Variants in CDH13 observed in about 807,000 individuals in gnomAD.
CDH13 encodes cadherin 13.
Under a neutral mutation model 63.8 loss-of-function variants are expected in CDH13, and 24 were observed. That is an observed-to-expected ratio of 0.38 (90% confidence interval 0.27 to 0.53). The LOEUF (loss-of-function observed/expected upper bound fraction) is 0.53. Ranked by LOEUF, CDH13 falls within the 20% of genes least tolerant of loss-of-function variation. The probability of loss-of-function intolerance (pLI) is 0.85; values close to 1 mark genes in which losing one functional copy is unlikely to be tolerated. For missense variants in CDH13, 1,049 were observed against 903.1 expected (o/e 1.16, Z -2.07); for synonymous variants, 503 against 355.3 (o/e 1.42, Z -4.67).
intron 1 of CDH13, among the ~76,000 whole-genome samples, chr16:82,729,625 G>A (rs965558538): frequency 1.3e-5 from 2 of 152,186 alleles, no homozygotes; most frequent in African/African-American, 4.8e-5. Flanking sequence ...ATTATTTAGG[G>A]CCCTAGGATT....
chr16:83,209,353 C>G (rs1046941449), intron 4 of CDH13, among the ~76,000 whole-genome samples: 5 of 152,158 alleles, frequency 3.3e-5, no homozygotes, highest in Non-Finnish European at 5.9e-5. Flanking sequence ...GTCGGCCACT[C>G]CCAGATTTCC....
chr16:82,755,440 C>G (rs1327940698), intron 1 of CDH13, among the ~76,000 whole-genome samples: 1 of 152,212 alleles, frequency 6.6e-6, no homozygotes, highest in Admixed American at 6.5e-5. Context: ...AAGCTGAAGT[C>G]TCTGAGGAGG....
At chr16:83,249,064 A>G (rs987713623) in intron 5 of CDH13, among the ~76,000 whole-genome samples, 14 of 152,218 alleles carry the variant, frequency 9.2e-5, no homozygotes, top group Non-Finnish European at 1.9e-4. Context: ...TCTCAGAAAT[A>G]ACTTTGAGTA....
At chr16:83,279,195 A>T (rs1023928547) in intron 5 of CDH13, among the ~76,000 whole-genome samples, 1 of 152,282 alleles carries the variant, frequency 6.6e-6, no homozygotes, top group East Asian at 1.9e-4. Flanking sequence ...TCATAGATAC[A>T]AACGAGTCTA....
chr16:83,254,929 T>C (rs1311524974), intron 5 of CDH13, among the ~76,000 whole-genome samples: 1 of 152,066 alleles, frequency 6.6e-6, no homozygotes, highest in Non-Finnish European at 1.5e-5. Flanking sequence ...GACAAGCTCT[T>C]TCTTGGATTT....
chr16:83,302,805 G>A (rs2089780363), intron 5 of CDH13, among the ~76,000 whole-genome samples: 1 of 152,212 alleles, frequency 6.6e-6, no homozygotes, highest in South Asian at 2.1e-4. Context: ...GTCAGAGCAG[G>A]TGACACAGTG....
intron 6 of CDH13, among the ~76,000 whole-genome samples, chr16:83,437,915 C>G (rs1239212731): frequency 6.6e-6 from 1 of 152,140 alleles, no homozygotes; most frequent in African/African-American, 2.4e-5. Context: ...TCGCCCAACT[C>G]TCTTCCTTCT....
At chr16:83,637,311 GCTCCCAGCGTGAGCT>G (rs61715954) in intron 8 of CDH13, among the ~76,000 whole-genome samples, 102,548 of 106,224 alleles carry the variant, frequency 0.97, 49,607 homozygotes, top group Middle Eastern at 1. Context: ...CAGCGTGAGC[GCTCCCAGCGTGAGCT>G]ACGCAGAAGA....
intron 8 of CDH13, among the ~76,000 whole-genome samples, chr16:83,657,575 C>T (rs1165200275): frequency 6.6e-6 from 1 of 152,180 alleles, no homozygotes; most frequent in Non-Finnish European, 1.5e-5. Context: ...GCCCACCTTC[C>T]TCTGCAGCAG....
intron 6 of CDH13, among the ~76,000 whole-genome samples, chr16:83,406,427 C>A (rs563552216): frequency 6.6e-6 from 1 of 150,968 alleles, no homozygotes; most frequent in East Asian, 2.0e-4. Flanking sequence ...TCCCCCCCCG[C>A]CTCTCTCTCT....
At chr16:83,382,476 C>T (rs1016452730) in intron 6 of CDH13, among the ~76,000 whole-genome samples, 1 of 152,152 alleles carries the variant, frequency 6.6e-6, no homozygotes, top group South Asian at 2.1e-4. Flanking sequence ...TGCGTACACT[C>T]TATCTCCCTA....
intron 1 of CDH13, among the ~76,000 whole-genome samples, chr16:82,709,562 A>C (rs1412217310): frequency 6.6e-6 from 1 of 152,182 alleles, no homozygotes; most frequent in Admixed American, 6.5e-5. Flanking sequence ...TGTGGATAAC[A>C]CTAATAGGTA....
intron 1 of CDH13, chr16:82,705,235 G>A: frequency 2.2e-6 from 1 of 449,362 alleles, no homozygotes. Context: ...TGAGAGGGAG[G>A]ACAAGGTGCG....
intron 1 of CDH13, among the ~76,000 whole-genome samples, chr16:82,646,493 C>G (rs1026991096): frequency 6.6e-6 from 1 of 152,172 alleles, no homozygotes. Flanking sequence ...CGCGCCTGGC[C>G]TAAGCACATG....
chr16:83,537,390 T>G (rs556898937), intron 7 of CDH13, among the ~76,000 whole-genome samples: 3 of 152,226 alleles, frequency 2.0e-5, no homozygotes, highest in Non-Finnish European at 4.4e-5. Flanking sequence ...GAAATGCACT[T>G]AATTTGGCTT....
intron 4 of CDH13, among the ~76,000 whole-genome samples, chr16:83,212,071 A>G (rs886118787): frequency 2.0e-5 from 3 of 152,132 alleles, no homozygotes; most frequent in African/African-American, 4.8e-5. Context: ...AGAGGAGTGC[A>G]CTGGATTTCT....
chr16:83,186,862 T>C (rs921486599), intron 4 of CDH13, among the ~76,000 whole-genome samples: 1 of 152,250 alleles, frequency 6.6e-6, no homozygotes, highest in African/African-American at 2.4e-5. Context: ...GGTGCCCCCA[T>C]TGAAGCAGGC....
At chr16:83,553,992 G>C (rs189452423) in intron 7 of CDH13, among the ~76,000 whole-genome samples, 4 of 152,204 alleles carry the variant, frequency 2.6e-5, no homozygotes, top group Non-Finnish European at 5.9e-5. Context: ...GAACATTCTT[G>C]TACAGATATA....
At chr16:82,968,746 G>A (rs1908246060) in intron 2 of CDH13, among the ~76,000 whole-genome samples, 1 of 152,162 alleles carries the variant, frequency 6.6e-6, no homozygotes, top group African/African-American at 2.4e-5. Flanking sequence ...GTCATATGGT[G>A]TTATAACTAT....
Sources: allele counts gnomAD v4.1 joint callset (sites outside exome capture counted in the v4.1 genomes callset), GRCh38; gene constraint gnomAD v4.1.1; transcripts MANE v1.5; gene names NCBI Gene and HGNC (gene_info 2026-07-23, HGNC 2026-07-21).